The following GLI2 variants were observed in gnomAD, a reference collection of about 807,000 sequenced individuals.
GLI2 encodes the protein GLI family zinc finger 2.
In GLI2, 22 loss-of-function variants were observed where a neutral mutation model predicts 78.9. The observed-to-expected ratio is 0.28, with a 90% CI of 0.20 to 0.40. The LOEUF is 0.40. Among genes scored for constraint, GLI2 ranks in the 10% least tolerant of loss-of-function variants. The pLI is 1.00. For synonymous variants in GLI2, 974 were observed against 963.7 expected, an observed-to-expected ratio of 1.01 and a Z score of -0.20; for missense variants, 2,097 against 2,213.2, an observed-to-expected ratio of 0.95 and a Z score of 1.05.
chr2:120,832,368 C>T (rs1219518367), intron 2 of GLI2, among the ~76,000 whole-genome samples: 1 of 152,192 alleles, frequency 6.6e-6, no homozygotes, highest in East Asian at 1.9e-4. Context: ...GGAAGGGTTG[C>T]AGAGGCTGCC....
At chr2:120,790,927 C>G (rs1259547886) in intron 1 of GLI2, among the ~76,000 whole-genome samples, 1 of 152,054 alleles carries the variant, frequency 6.6e-6, no homozygotes. Context: ...ATGGGAGAAG[C>G]TGCCCATGTG....
At chr2:120,929,088 G>A (rs1679827757) in intron 3 of GLI2, among the ~76,000 whole-genome samples, 1 of 152,210 alleles carries the variant, frequency 6.6e-6, no homozygotes, top group African/African-American at 2.4e-5. Flanking sequence ...GTACTGGCCA[G>A]TTACTATATA....
rs538539901 is a variant in GLI2, at chr2:120,852,121, G to A, written c.148+54653G>A. Among the ~76,000 whole-genome samples, 87 of 152,334 alleles carry A rather than the reference G, an allele frequency of 5.7e-4. 1 individual carries two copies. Among genetic ancestry groups the A allele is most frequent in the Non-Finnish European group, 1.1e-3 (75 of 68,022 alleles). ...AAGTCCCAGGCCCAGAGTGAGTGGGGAAGGCCCTAAGGGAGTTGTAGGATT... is the reference window on the plus strand; with the variant it reads ...AAGTCCCAGGCCCAGAGTGAGTGGGAAAGGCCCTAAGGGAGTTGTAGGATT... On this transcript the variant is annotated intron_variant, in intron 2 of 13. Coordinates refer to ENST00000361492, the MANE Select transcript of GLI2 (RefSeq NM_001374353.1).
At chr2:120,958,209 A>G (rs563782466) in intron 5 of GLI2, among the ~76,000 whole-genome samples, 71 of 152,302 alleles carry the variant, frequency 4.7e-4, no homozygotes, top group African/African-American at 1.6e-3. Context: ...TGGATTAAAC[A>G]CATTGACTGA....
chr2:120,846,969 C>T (rs1687147733), intron 2 of GLI2, among the ~76,000 whole-genome samples: 1 of 152,032 alleles, frequency 6.6e-6, no homozygotes, highest in Non-Finnish European at 1.5e-5. Context: ...TTTCCAGCTC[C>T]TAATAAAGTC....
Position 120,989,212 on chromosome 2 carries a change from C to T in GLI2, c.3247C>T (p.Pro1083Ser). 2 of 1,613,188 alleles carry T rather than the reference C, an allele frequency of 1.2e-6. No individual in the cohort carries two copies. The highest frequency in any genetic ancestry group is 1.7e-6 in the Non-Finnish European group (2 of 1,180,018). The stretch of plus-strand genomic sequence containing the variant: ...TGGCTTCTCTGACAACCCCAGACTA[C>T]CCAGCCCGGGGCTGCACGGCCAGCG... ...STGFSDNPRL[P>S]SPGLHGQRRM... Residue 1083 changes from proline to serine, a missense_variant, in exon 14 of 14, where the codon CCC becomes TCC. Physicochemically the swap from Pro to Ser is moderately conservative, Grantham distance 74. Coordinates refer to ENST00000361492, the MANE Select transcript of GLI2 (RefSeq NM_001374353.1).
intron 2 of GLI2, among the ~76,000 whole-genome samples, chr2:120,815,855 G>A (rs996552244): frequency 6.6e-6 from 1 of 152,180 alleles, no homozygotes; most frequent in African/African-American, 2.4e-5. Context: ...TGGCATTGGC[G>A]ATCTGAGGGG....
At chr2:120,986,877 G>A (rs980953646) in intron 13 of GLI2, among the ~76,000 whole-genome samples, 17 of 152,196 alleles carry the variant, frequency 1.1e-4, no homozygotes, top group African/African-American at 3.9e-4. Flanking sequence ...CAGACCCTGC[G>A]CACATCATCC....
chr2:120,736,320 C>T (rs978543165), intron 1 of GLI2, 35 bp downstream of exon 1: 1 of 151,944 alleles, frequency 6.6e-6, no homozygotes, highest in Non-Finnish European at 1.5e-5. Context: ...GCTTGCTTTT[C>T]GTGACGAAGC....
At chr2:120,957,493 C>A (rs1203168443) in intron 5 of GLI2, among the ~76,000 whole-genome samples, 1 of 152,246 alleles carries the variant, frequency 6.6e-6, no homozygotes, top group African/African-American at 2.4e-5. Flanking sequence ...ACAGCAGCAA[C>A]CGAGTGCATG....
intron 2 of GLI2, among the ~76,000 whole-genome samples, chr2:120,924,875 C>T (rs1679583111): frequency 6.6e-6 from 1 of 152,246 alleles, no homozygotes; most frequent in Non-Finnish European, 1.5e-5. Context: ...TTGAGTGTGT[C>T]CTATCTGCAC....
At chr2:120,831,828 G>A (rs1251502181) in intron 2 of GLI2, among the ~76,000 whole-genome samples, 1 of 152,204 alleles carries the variant, frequency 6.6e-6, no homozygotes, top group Middle Eastern at 3.2e-3. Context: ...AGGATTCAGT[G>A]AGGTCATGCT....
At chr2:120,950,607 T>C (rs1425694099) in intron 3 of GLI2, among the ~76,000 whole-genome samples, 2 of 152,134 alleles carry the variant, frequency 1.3e-5, no homozygotes, top group Admixed American at 6.5e-5. Context: ...CTGTTAGCGC[T>C]AGGAGGAATT....
intron 2 of GLI2, among the ~76,000 whole-genome samples, chr2:120,887,058 G>C (rs1677447399): frequency 6.6e-6 from 1 of 152,192 alleles, no homozygotes. Context: ...AGGTGCCAGT[G>C]ACACTGTGGG....
intron 3 of GLI2, among the ~76,000 whole-genome samples, chr2:120,946,354 C>T (rs148609823): frequency 5.3e-5 from 8 of 152,288 alleles, no homozygotes; most frequent in Admixed American, 1.3e-4. Flanking sequence ...GGGCAGTGTA[C>T]TGAGCTGAGC....
chr2:120,949,187 A>C (rs1680861110), intron 3 of GLI2, among the ~76,000 whole-genome samples: 1 of 152,146 alleles, frequency 6.6e-6, no homozygotes, highest in African/African-American at 2.4e-5. Context: ...CCGGGCACAC[A>C]TAGCAGCCCC....
At chr2:120,976,509 T>G (rs1308487999) in intron 9 of GLI2, among the ~76,000 whole-genome samples, 1 of 152,190 alleles carries the variant, frequency 6.6e-6, no homozygotes, top group Non-Finnish European at 1.5e-5. Flanking sequence ...AAGCCCTAGA[T>G]GGAGCAGGGA....
In GLI2 at chr2:120,968,770, T is replaced by G. The variant is rs1163351470; in HGVS notation, c.700T>G (p.Ser234Ala). ...CCGCCTGAGCCGCAAGCGGGCGCTG[T>G]CCATCTCCCCACTCTCAGACGCCAG... ...TPRLSRKRALSISPLSDASLD... is the reference protein window; with the variant it reads ...TPRLSRKRALAISPLSDASLD... The change falls in exon 6 of 14, where the codon TCC becomes GCC. Residue 234 changes from serine to alanine, a missense_variant. Coordinates refer to ENST00000361492, the MANE Select transcript of GLI2 (RefSeq NM_001374353.1). 1.2e-6 allele frequency: 2 copies of G among 1,613,494 alleles called. No homozygotes were observed. Among genetic ancestry groups the G allele is most frequent in the African/African-American group, 2.7e-5 (2 of 74,904 alleles).
chr2:120,988,062 AAGAG>A (rs1427477389), intron 13 of GLI2, 142 bp from the exon 14 acceptor site: 16 of 672,736 alleles, frequency 2.4e-5, no homozygotes, highest in Non-Finnish European at 3.8e-5. Flanking sequence ...TAAAAAGAGA[AAGAG>A]AGAAAGAAAG....
Sources: allele counts gnomAD v4.1 joint callset (sites outside exome capture counted in the v4.1 genomes callset), GRCh38; gene constraint gnomAD v4.1.1; transcripts MANE v1.5; gene names NCBI Gene and HGNC (gene_info 2026-07-23, HGNC 2026-07-21).